PITPNM2: variants seen among roughly 807,000 people sequenced by gnomAD.
The protein encoded by PITPNM2 is phosphatidylinositol transfer protein membrane associated 2, also known as membrane-associated phosphatidylinositol transfer protein 2.
Under a neutral mutation model 132.2 loss-of-function variants are expected in PITPNM2, and 35 were observed. The observed-to-expected ratio is 0.26, with a 90% confidence interval of 0.20 to 0.35. The LOEUF is 0.35. PITPNM2 is among the 10% of genes least tolerant of loss of function. The pLI, the probability that PITPNM2 is intolerant of heterozygous loss-of-function variation, is 1.00. For synonymous variants in PITPNM2, 738 were observed against 799.2 expected, an observed-to-expected ratio of 0.92 and a Z score of 1.29; for missense variants, 1,332 against 1,912.0, an observed-to-expected ratio of 0.70 and a Z score of 5.66.
intron 2 of PITPNM2, among the ~76,000 whole-genome samples, chr12:123,053,562 C>CTTTT (rs964541144): frequency 4.2e-5 from 5 of 119,868 alleles, no homozygotes; most frequent in East Asian, 2.4e-4. Context: ...ATGGTGACAT[C>CTTTT]TTTTTTTTTT....
Position 123,078,722 on chromosome 12 carries a change from G to T in PITPNM2, c.-96+31663C>A, listed in dbSNP as rs1034569328. 6.6e-6 allele frequency among the ~76,000 whole-genome samples: 1 copy of T among 152,220 alleles called. No individual in the cohort carries two copies. Among genetic ancestry groups the T allele is most frequent in the African/African-American group, 2.4e-5 (1 of 41,448 alleles). ...AGAAGGGAGGCTGCTGGGCACAGCA[G>T]GGGGAGGGGGCTCTCCTGGACACAC... On this transcript the variant is annotated intron_variant, in intron 2 of 25. Transcript: ENST00000320201. The surrounding 1 kb of genome is among the most constrained non-coding windows in gnomAD (Gnocchi z 7.3).
At chr12:122,988,973 C>T in intron 18 of PITPNM2, 101 bp from the exon 19 acceptor site, 3 of 1,290,538 alleles carry the variant, frequency 2.3e-6, no homozygotes, top group Non-Finnish European at 3.1e-6. Context: ...AGCACAGTCC[C>T]CCCACCAGCT....
Position 122,983,944 on chromosome 12 carries a change from GA to G in PITPNM2, c.*2082del, listed in dbSNP as rs2037829048. 1 of 152,708 alleles carries G rather than the reference GA, an allele frequency of 6.5e-6. No individual in the cohort carries two copies. The highest frequency in any genetic ancestry group is 1.5e-5 in the Non-Finnish European group (1 of 68,072). The allele number at this position is 152,708 out of a possible 1,614,324, so 9.5% of individuals were successfully genotyped here. A position where few individuals can be genotyped will look rare whatever the true frequency, so the allele number is the denominator to read the frequency against. ...CGCTGCCCTCCCTCTCTTAGTTTCAGAAAGACTGGTACTTCCTCAAGAGGAG... is the reference window on the plus strand; with the variant it reads ...CGCTGCCCTCCCTCTCTTAGTTTCAGAAGACTGGTACTTCCTCAAGAGGAG... On this transcript the variant is annotated 3_prime_UTR_variant, in exon 26 of 26. Transcript: ENST00000320201.
chr12:123,057,210 G>A (rs1351208184), intron 2 of PITPNM2, among the ~76,000 whole-genome samples: 3 of 151,756 alleles, frequency 2.0e-5, no homozygotes, highest in South Asian at 2.1e-4. Context: ...GAGAAACCCC[G>A]TCTCTACTAA....
rs2041828130 is a variant in PITPNM2, at chr12:123,077,473, C to T, written c.-96+32912G>A. 6.6e-6 allele frequency among the ~76,000 whole-genome samples: 1 copy of T among 152,214 alleles called. No individual in the cohort carries two copies. The highest frequency in any genetic ancestry group is 2.4e-5 in the African/African-American group (1 of 41,442). On this transcript the variant is annotated intron_variant, in intron 2 of 25. Transcript: ENST00000320201. This position sits in a 1 kb window ranked among gnomAD's most constrained non-coding sequence, Gnocchi z 4.8. ...TCCTCCCCTTTCCTTGGTCCAACCA[C>T]AGTCCAGGAAAGCAGATTTTCTATG...
At chr12:123,068,180 G>A (rs936074342) in intron 2 of PITPNM2, among the ~76,000 whole-genome samples, 23 of 80,856 alleles carry the variant, frequency 2.8e-4, no homozygotes, top group African/African-American at 1.0e-3. Context: ...AAAAATCCAC[G>A]GGCACGGCCG....
chr12:123,040,727 A>T (rs959090073), intron 2 of PITPNM2, among the ~76,000 whole-genome samples: 7 of 152,136 alleles, frequency 4.6e-5, no homozygotes, highest in Non-Finnish European at 1.0e-4. Flanking sequence ...ATACTTTTTT[A>T]AAAAAAGATC....
rs2039677171 is a variant in PITPNM2, at chr12:123,021,691, C to G, written c.79-7649G>C. The G allele has an allele frequency of 1.9e-5, 19 of 985,240 alleles. 1 individual carries two copies. The highest frequency in any genetic ancestry group is 2.3e-5 in the Non-Finnish European group (19 of 829,878). The allele number at this position is 985,240 out of a possible 1,614,324, so 61.0% of individuals were successfully genotyped here. ...GGGCATGGAGTTTACCTTCAGCTAT[C>G]AGGGTCCAAGAGGGGCTCCCTCTCA... On this transcript the variant is annotated intron_variant, in intron 3 of 25. Coordinates refer to ENST00000320201, the MANE Select transcript of PITPNM2 (RefSeq NM_020845.3).
chr12:123,044,877 C>A (rs1343075430), intron 2 of PITPNM2, among the ~76,000 whole-genome samples: 2 of 152,146 alleles, frequency 1.3e-5, no homozygotes, highest in Non-Finnish European at 2.9e-5. Context: ...GCCTCCAACT[C>A]CTGGGCTCAA....
Position 123,106,497 on chromosome 12 carries a change from C to G in PITPNM2, c.-96+3888G>C, listed in dbSNP as rs2042714545. Among the ~76,000 whole-genome samples, 1 of 152,132 alleles carries G rather than the reference C, an allele frequency of 6.6e-6. No homozygotes were observed. Among genetic ancestry groups the G allele is most frequent in the African/African-American group, 2.4e-5 (1 of 41,426 alleles). ...ACAAGGCAAATGCAGGGGTCAGTCC[C>G]CAGAGCTCCGGGGAACAGGAAGAAG... is the stretch of plus-strand genomic sequence containing the variant. On this transcript the variant is annotated intron_variant, in intron 2 of 25. Transcript: ENST00000320201. This position sits in a 1 kb window ranked among gnomAD's most constrained non-coding sequence, Gnocchi z 4.4.
intron 3 of PITPNM2, among the ~76,000 whole-genome samples, chr12:123,025,720 C>T (rs916675078): frequency 6.6e-6 from 1 of 152,150 alleles, no homozygotes; most frequent in Non-Finnish European, 1.5e-5. Context: ...GTGTGAGCCA[C>T]CGCACTCGGC....
At chr12:123,025,069 G>C (rs540474516) in intron 3 of PITPNM2, among the ~76,000 whole-genome samples, 6 of 152,176 alleles carry the variant, frequency 3.9e-5, no homozygotes, top group Non-Finnish European at 1.5e-5. Flanking sequence ...GTCCCTCCCC[G>C]TGTCCAAAAG....
chr12:123,143,026 C>A (rs988878793), intron 1 of PITPNM2, among the ~76,000 whole-genome samples: 1 of 152,224 alleles, frequency 6.6e-6, no homozygotes, highest in Non-Finnish European at 1.5e-5. Flanking sequence ...CGCATCCACA[C>A]CTGTGGGGAA....
At position 123,004,995 on chromosome 12, in the gene PITPNM2, T is replaced by C. The variant is rs1260962663; in HGVS notation, c.952+245A>G. ...ACCGCGCTGCAGGAGCCCAGCCACC[T>C]CCACTGCTCCTATGGGTAGCACTGT... On this transcript the variant is annotated intron_variant, in intron 7 of 25. Coordinates refer to ENST00000320201, the MANE Select transcript of PITPNM2 (RefSeq NM_020845.3). This position sits in a 1 kb window ranked among gnomAD's most constrained non-coding sequence, Gnocchi z 4.9. Among the ~76,000 whole-genome samples, 3 of 152,112 alleles carry C rather than the reference T, an allele frequency of 2.0e-5. No individual in the cohort carries two copies. Among genetic ancestry groups the C allele is most frequent in the Admixed American group, 2.0e-4 (3 of 15,278 alleles).
Position 123,150,748 on chromosome 12 carries a change from C to G in PITPNM2, c.-200+5G>C, listed in dbSNP as rs554566177. 1.3e-4 allele frequency among the ~76,000 whole-genome samples: 19 copies of G among 150,370 alleles called. No homozygotes were observed. The South Asian group carries it at 2.5e-3, about 20-fold the overall frequency. On this transcript the variant is annotated splice_donor_5th_base_variant and intron_variant, in intron 1 of 25. Coordinates refer to ENST00000320201, the MANE Select transcript of PITPNM2 (RefSeq NM_020845.3). This position sits in a 1 kb window ranked among gnomAD's most constrained non-coding sequence, Gnocchi z 6.0. ...CCTGCGGAGCGGCCGCCCGGACGCA[C>G]TCACCCCGCTCGGCGCGGCCGCGGG...
chr12:123,144,001 G>C (rs145531466), intron 1 of PITPNM2, among the ~76,000 whole-genome samples: 83 of 152,334 alleles, frequency 5.4e-4, no homozygotes, highest in African/African-American at 1.8e-3. Flanking sequence ...TTCCATATTT[G>C]TGAATTACCC....
At chr12:123,061,497 C>A (rs1450753074) in intron 2 of PITPNM2, among the ~76,000 whole-genome samples, 3 of 152,230 alleles carry the variant, frequency 2.0e-5, no homozygotes, top group Non-Finnish European at 4.4e-5. Flanking sequence ...AAGAGTAGGC[C>A]CTCTCACTGC....
rs2043722223 is a variant in PITPNM2, at chr12:123,150,696, G to A, written c.-200+57C>T. Among the ~76,000 whole-genome samples the A allele has an allele frequency of 6.7e-6, 1 of 150,296 alleles. No individual in the cohort carries two copies. The highest frequency in any genetic ancestry group is 1.5e-5 in the Non-Finnish European group (1 of 67,508). On this transcript the variant is annotated intron_variant, in intron 1 of 25. Transcript: ENST00000320201. This position sits in a 1 kb window ranked among gnomAD's most constrained non-coding sequence, Gnocchi z 6.0. ...CCAGATCCCCAGGTCCCCGGCCAGC[G>A]CCCGGCACTGCGGGACTCACCGCGG... is the stretch of plus-strand genomic sequence containing the variant.
At chr12:123,007,504 C>A in intron 6 of PITPNM2, 2 of 426,790 alleles carry the variant, frequency 4.7e-6, no homozygotes, top group East Asian at 1.5e-4. Context: ...GCAGTTGGGC[C>A]ACGCCAGGCT....
Sources: gnomAD v4.1 joint callset for allele counts (sites outside exome capture counted in the v4.1 genomes callset) on GRCh38, gnomAD v4.1.1 for gene constraint, Gnocchi (gnomAD v3.1) non-coding constraint, MANE v1.5 for transcripts, NCBI Gene and HGNC (gene_info 2026-07-23, HGNC 2026-07-21) for gene names.